Variants in IL1RAP observed in about 807,000 individuals in gnomAD.
The protein encoded by IL1RAP is interleukin 1 receptor accessory protein, also known as interleukin-1 receptor accessory protein.
Under a neutral mutation model 60.7 loss-of-function variants are expected in IL1RAP, and 35 were observed. The observed-to-expected ratio is 0.58, with a 90% CI of 0.44 to 0.76. IL1RAP has a LOEUF of 0.76. Ranked by LOEUF, IL1RAP falls within the 30% of genes least tolerant of loss-of-function variation. The pLI, the probability that IL1RAP is intolerant of heterozygous loss-of-function variation, is 0.00. For synonymous variants in IL1RAP, 268 were observed against 250.9 expected (o/e 1.07, Z -0.64); for missense variants, 572 against 693.9 (o/e 0.82, Z 1.97).
chr3:190,545,942 T>G (rs1367265010), intron 1 of IL1RAP, among the ~76,000 whole-genome samples: 7 of 152,202 alleles, frequency 4.6e-5, no homozygotes, highest in Non-Finnish European at 2.9e-5. Context: ...TTTGTGCTAA[T>G]GGGAATGGCT....
intron 6 of IL1RAP, 137 bp from the exon 7 acceptor site, chr3:190,623,207 T>C (rs1054771131): frequency 7.8e-6 from 5 of 640,010 alleles, no homozygotes; most frequent in African/African-American, 5.5e-5. Flanking sequence ...TAATTGAGTA[T>C]ATCTTGGACT....
intron 2 of IL1RAP, among the ~76,000 whole-genome samples, chr3:190,558,297 A>G (rs1725598155): frequency 6.6e-6 from 1 of 152,166 alleles, no homozygotes; most frequent in Non-Finnish European, 1.5e-5. Context: ...CCCTTGGACA[A>G]ATATCCAAGA....
chr3:190,580,864 G>A (rs1727936207), intron 3 of IL1RAP, among the ~76,000 whole-genome samples: 1 of 152,162 alleles, frequency 6.6e-6, no homozygotes, highest in Admixed American at 6.5e-5. Context: ...AACTTTTAGA[G>A]GTTATGTGTA....
At chr3:190,543,977 C>T (rs1724160059) in intron 1 of IL1RAP, among the ~76,000 whole-genome samples, 1 of 152,100 alleles carries the variant, frequency 6.6e-6, no homozygotes, top group African/African-American at 2.4e-5. Context: ...ATATCTCTTC[C>T]TTTGGATTTA....
At chr3:190,566,627 G>A (rs1313674766) in intron 3 of IL1RAP, among the ~76,000 whole-genome samples, 1 of 152,142 alleles carries the variant, frequency 6.6e-6, no homozygotes, top group East Asian at 1.9e-4. Context: ...CGTGGGAGCA[G>A]GAAACATGTT....
At chr3:190,539,619 C>T (rs1324620970) in intron 1 of IL1RAP, among the ~76,000 whole-genome samples, 1 of 151,594 alleles carries the variant, frequency 6.6e-6, no homozygotes, top group African/African-American at 2.4e-5. Flanking sequence ...GGTGATATTC[C>T]TGATCCTTCA....
intron 3 of IL1RAP, among the ~76,000 whole-genome samples, chr3:190,595,145 T>C (rs1321537713): frequency 6.6e-6 from 1 of 152,212 alleles, no homozygotes; most frequent in African/African-American, 2.4e-5. Context: ...GTCAGTCTCC[T>C]TGTGTTAGAA....
intron 1 of IL1RAP, among the ~76,000 whole-genome samples, chr3:190,541,183 G>C (rs547930046): frequency 2.0e-5 from 3 of 152,206 alleles, no homozygotes; most frequent in Non-Finnish European, 4.4e-5. Flanking sequence ...CTGGGAGATA[G>C]GGGTGCTATC....
chr3:190,633,226 A>G (rs1239370320), intron 9 of IL1RAP, among the ~76,000 whole-genome samples: 1 of 152,220 alleles, frequency 6.6e-6, no homozygotes, highest in African/African-American at 2.4e-5. Context: ...TGGATATAAT[A>G]TATCTCTCCA....
chr3:190,548,466 C>G (rs757758906), intron 1 of IL1RAP, among the ~76,000 whole-genome samples: 1 of 152,114 alleles, frequency 6.6e-6, no homozygotes, highest in African/African-American at 2.4e-5. Context: ...AAGTAATCAA[C>G]AGCAAACTAG....
intron 1 of IL1RAP, among the ~76,000 whole-genome samples, chr3:190,519,289 T>C (rs1721806417): frequency 6.6e-6 from 1 of 152,204 alleles, no homozygotes. Flanking sequence ...ATTGTTTTAT[T>C]CCCTGGAGAT....
intron 1 of IL1RAP, among the ~76,000 whole-genome samples, chr3:190,525,580 T>C (rs919006905): frequency 6.6e-6 from 1 of 152,164 alleles, no homozygotes; most frequent in Non-Finnish European, 1.5e-5. Context: ...GAAGAACTTA[T>C]TTATAAGATG....
chr3:190,623,809 A>C (rs1420659726), intron 7 of IL1RAP, among the ~76,000 whole-genome samples: 1 of 152,224 alleles, frequency 6.6e-6, no homozygotes, highest in African/African-American at 2.4e-5. Context: ...CAAGACTGTG[A>C]ATATAATAGC....
rs1727064164 is a variant in IL1RAP, at chr3:190,572,861, T to TTTTTTTG, written c.64+8514_64+8515insGTTTTTT. ...AGCATGTCCAGGGTTAATGCTTTGT[T>TTTTTTTG]TTTTTTTTTTTTTTTTTTTTGAGAC... On this transcript the variant is annotated intron_variant, in intron 3 of 11. Coordinates refer to ENST00000447382, the MANE Select transcript of IL1RAP (RefSeq NM_002182.4). Among the ~76,000 whole-genome samples the TTTTTTTG allele has an allele frequency of 5.6e-5, 2 of 35,614 alleles. 1 individual carries two copies. The highest frequency in any genetic ancestry group is 3.1e-4 in the African/African-American group (2 of 6,484). 23.4% of individuals were successfully genotyped at this position (35,614 alleles called of 152,430 possible).
At chr3:190,658,810 C>T (rs1280077033) in exon 12 of IL1RAP, 2 of 152,226 alleles carry the variant, frequency 1.3e-5, no homozygotes, top group Non-Finnish European at 2.9e-5. Context: ...TAGAAGATTC[C>T]TACTCCAAAG....
At chr3:190,553,200 G>T (rs943547853) in intron 1 of IL1RAP, among the ~76,000 whole-genome samples, 1 of 152,160 alleles carries the variant, frequency 6.6e-6, no homozygotes, top group African/African-American at 2.4e-5. Flanking sequence ...AGGCCCGCAA[G>T]GAAGTATTTT....
At position 190,650,995 on chromosome 3, in the gene IL1RAP, T is replaced by C; in HGVS notation, c.*2290T>C. 1 of 985,262 alleles carries C rather than the reference T, an allele frequency of 1.0e-6. No individual in the cohort carries two copies. Among genetic ancestry groups the C allele is most frequent in the African/African-American group, 1.7e-5 (1 of 57,342 alleles). The allele number at this position is 985,262 out of a possible 1,614,324, so 61.0% of individuals were successfully genotyped here. ...TATTTATATGCCTGCCTTTGGTACT[T>C]AATTTTACAAATGCTGTAATATAAA... On this transcript the variant is annotated 3_prime_UTR_variant, in exon 12 of 12. Coordinates refer to ENST00000447382, the MANE Select transcript of IL1RAP (RefSeq NM_002182.4).
intron 1 of IL1RAP, among the ~76,000 whole-genome samples, chr3:190,547,878 A>T (rs1419211165): frequency 6.6e-6 from 1 of 152,172 alleles, no homozygotes; most frequent in Non-Finnish European, 1.5e-5. Context: ...CGTCCTGCCC[A>T]TCTCTCTGTG....
chr3:190,555,109 A>G (rs995135935), intron 1 of IL1RAP, among the ~76,000 whole-genome samples: 1 of 152,174 alleles, frequency 6.6e-6, no homozygotes, highest in African/African-American at 2.4e-5. Flanking sequence ...ATTTAAGGGG[A>G]GAAAACCTCA....
Sources: allele counts gnomAD v4.1 joint callset (sites outside exome capture counted in the v4.1 genomes callset), GRCh38; gene constraint gnomAD v4.1.1; transcripts MANE v1.5; gene names NCBI Gene and HGNC (gene_info 2026-07-23, HGNC 2026-07-21).